BAZ2B: variants seen among roughly 807,000 people sequenced by gnomAD.
BAZ2B encodes the protein bromodomain adjacent to zinc finger domain protein 2B.
Under a neutral mutation model 246.0 loss-of-function variants are expected in BAZ2B, and 91 were observed. The ratio of observed to expected loss-of-function variants is 0.37; its 90% CI spans 0.31 to 0.44. The LOEUF (loss-of-function observed/expected upper bound fraction) is 0.44, where lower values mean the gene tolerates loss of function less well. Ranked by LOEUF, BAZ2B falls within the 20% of genes least tolerant of loss-of-function variation. BAZ2B has a pLI of 1.00. For missense variants in BAZ2B, 2,332 were observed against 2,533.7 expected (o/e 0.92, Z 1.71); for synonymous variants, 855 against 860.0 (o/e 0.99, Z 0.10).
intron 25 of BAZ2B, among the ~76,000 whole-genome samples, chr2:159,382,353 G>A (rs2062090406): frequency 6.6e-6 from 1 of 152,094 alleles, no homozygotes; most frequent in African/African-American, 2.4e-5. Flanking sequence ...TGTCTTTTAT[G>A]TATAGACATT....
the BAZ2B span, among the ~76,000 whole-genome samples, chr2:159,632,479 T>C: frequency 6.6e-6 from 1 of 152,220 alleles, no homozygotes; most frequent in Non-Finnish European, 1.5e-5. Flanking sequence ...TTAAAACTCA[T>C]CACATCTTAC....
the BAZ2B span, among the ~76,000 whole-genome samples, chr2:159,637,678 C>T: frequency 6.6e-6 from 1 of 152,224 alleles, no homozygotes; most frequent in Admixed American, 6.5e-5. Flanking sequence ...CCACCACAGC[C>T]TCTCAAGTAG....
chr2:159,400,840 A>G (rs2064903412), intron 16 of BAZ2B, among the ~76,000 whole-genome samples, 176 bp from the exon 17 acceptor site: 1 of 152,144 alleles, frequency 6.6e-6, no homozygotes, highest in Non-Finnish European at 1.5e-5. Flanking sequence ...GGAGATCGAG[A>G]CCATCCTGGC....
chr2:159,425,984 G>A (rs1034201028), intron 13 of BAZ2B, among the ~76,000 whole-genome samples: 3 of 152,044 alleles, frequency 2.0e-5, no homozygotes. Context: ...ACCTTTAATT[G>A]TTGTTTTCTA....
At chr2:159,392,447 G>A (rs147539892) in intron 20 of BAZ2B, among the ~76,000 whole-genome samples, 171 of 152,114 alleles carry the variant, frequency 1.1e-3, no homozygotes, top group Non-Finnish European at 1.9e-3. Context: ...GTTGCACTGT[G>A]TAGCAATTAT....
intron 1 of BAZ2B, among the ~76,000 whole-genome samples, chr2:159,565,610 TTACAAAAAA>T (rs2090316356): frequency 6.6e-6 from 1 of 151,736 alleles, no homozygotes; most frequent in African/African-American, 2.4e-5. Flanking sequence ...AACCCTGTCT[TTACAAAAAA>T]TACAAAAATT....
intron 1 of BAZ2B, among the ~76,000 whole-genome samples, chr2:159,562,229 C>T (rs1011766439): frequency 4.6e-5 from 7 of 152,082 alleles, no homozygotes; most frequent in African/African-American, 1.7e-4. Flanking sequence ...GTATAATTCC[C>T]ATAGGTTGAA....
chr2:159,348,445 T>C (rs1242088820), intron 30 of BAZ2B, among the ~76,000 whole-genome samples: 1 of 150,622 alleles, frequency 6.6e-6, no homozygotes, highest in Admixed American at 6.6e-5. Flanking sequence ...GCTATGGAAA[T>C]AGTTGTTATA....
At chr2:159,542,468 G>A (rs1001279394) in intron 2 of BAZ2B, among the ~76,000 whole-genome samples, 3 of 151,966 alleles carry the variant, frequency 2.0e-5, no homozygotes, top group Admixed American at 6.6e-5. Flanking sequence ...TTATGTACAA[G>A]GAATCTTCAA....
chr2:159,703,489 C>G, the BAZ2B span, among the ~76,000 whole-genome samples: 1 of 19,274 alleles, frequency 5.2e-5, no homozygotes, highest in Admixed American at 5.6e-4. Context: ...CACTTCTACC[C>G]CCCGCAAAAA....
intron 25 of BAZ2B, 143 bp downstream of exon 25, chr2:159,382,416 A>T: frequency 1.2e-6 from 1 of 859,326 alleles, no homozygotes; most frequent in Non-Finnish European, 1.7e-6. Context: ...TACAGATTGT[A>T]ATATTTGTTT....
At chr2:159,622,218 T>C in the BAZ2B span, among the ~76,000 whole-genome samples, 1 of 138,598 alleles carries the variant, frequency 7.2e-6, no homozygotes, top group Non-Finnish European at 1.5e-5. Flanking sequence ...GAAGTCATGA[T>C]TGTGTCACTG....
chr2:159,326,433 G>T (rs1258189645), intron 34 of BAZ2B, among the ~76,000 whole-genome samples: 1 of 152,022 alleles, frequency 6.6e-6, no homozygotes, highest in African/African-American at 2.4e-5. Flanking sequence ...TTTTTTTCCT[G>T]GATAAAAGAT....
chr2:159,440,794 C>T (rs761640798), intron 6 of BAZ2B, among the ~76,000 whole-genome samples: 4 of 152,104 alleles, frequency 2.6e-5, no homozygotes, highest in East Asian at 3.9e-4. Flanking sequence ...CAGGTGTGAG[C>T]CACCACATCT....
intron 1 of BAZ2B, among the ~76,000 whole-genome samples, chr2:159,579,439 T>C (rs935738102): frequency 5.3e-5 from 8 of 152,292 alleles, no homozygotes; most frequent in Middle Eastern, 6.8e-3. Context: ...ATTAATAGCC[T>C]ACCAACGAAA....
chr2:159,523,103 C>G (rs940025951), intron 2 of BAZ2B, among the ~76,000 whole-genome samples: 2 of 151,666 alleles, frequency 1.3e-5, no homozygotes, highest in Admixed American at 6.6e-5. Context: ...CCCATCTCTA[C>G]AAAAAAATAA....
intron 3 of BAZ2B, among the ~76,000 whole-genome samples, chr2:159,478,244 C>G (rs2078845785): frequency 6.6e-6 from 1 of 152,168 alleles, no homozygotes; most frequent in Non-Finnish European, 1.5e-5. Context: ...GGAAGGAAAT[C>G]TAGGGCAAAG....
At chr2:159,648,732 AT>A in the BAZ2B span, among the ~76,000 whole-genome samples, 1 of 152,008 alleles carries the variant, frequency 6.6e-6, no homozygotes, top group Non-Finnish European at 1.5e-5. Context: ...TAATATTTAG[AT>A]TTTTTTCTAC....
At chr2:159,663,297 GCT>G in the BAZ2B span, among the ~76,000 whole-genome samples, 5 of 151,020 alleles carry the variant, frequency 3.3e-5, no homozygotes, top group Non-Finnish European at 7.4e-5. Flanking sequence ...CGCCTCCCAG[GCT>G]CAAGCAATTC....
Sources: gnomAD v4.1 joint callset for allele counts (sites outside exome capture counted in the v4.1 genomes callset) on GRCh38, gnomAD v4.1.1 for gene constraint, MANE v1.5 for transcripts, NCBI Gene and HGNC (gene_info 2026-07-23, HGNC 2026-07-21) for gene names.